WDR7: variants seen among roughly 807,000 people sequenced by gnomAD.
WDR7 encodes WD repeat domain 7, also known as WD repeat-containing protein 7.
WDR7 carries 46 observed loss-of-function variants against 169.4 expected under a neutral mutation model. The observed-to-expected ratio is 0.27, with a 90% CI of 0.21 to 0.35. The LOEUF is 0.35. WDR7 is among the 10% of genes least tolerant of loss of function. WDR7 has a pLI of 1.00. For synonymous variants in WDR7, 612 were observed against 666.8 expected (o/e 0.92, Z 1.27); for missense variants, 1,534 against 1,859.3 (o/e 0.83, Z 3.22).
intron 2 of WDR7, among the ~76,000 whole-genome samples, chr18:56,676,848 T>G (rs2025255047): frequency 6.6e-6 from 1 of 151,952 alleles, no homozygotes; most frequent in South Asian, 2.1e-4. Flanking sequence ...TATCTGGGAC[T>G]ACAGGCCCAT....
intron 26 of WDR7, among the ~76,000 whole-genome samples, chr18:56,965,289 G>C (rs1245644860): frequency 6.6e-6 from 1 of 152,106 alleles, no homozygotes; most frequent in Non-Finnish European, 1.5e-5. Context: ...AGGATCCTGA[G>C]GCTGAGAAGA....
At chr18:56,798,928 T>C (rs535875945) in intron 19 of WDR7, among the ~76,000 whole-genome samples, 1 of 152,346 alleles carries the variant, frequency 6.6e-6, no homozygotes, top group Non-Finnish European at 1.5e-5. Flanking sequence ...CTGATCAATG[T>C]ATGTATCACA....
chr18:56,840,701 C>T (rs1417953150), intron 20 of WDR7, among the ~76,000 whole-genome samples: 1 of 151,492 alleles, frequency 6.6e-6, no homozygotes, highest in Non-Finnish European at 1.5e-5. Context: ...TGCTGGTAGT[C>T]CCAGCTACTC....
the WDR7 span, chr18:57,034,851 A>G: frequency 1.3e-5 from 2 of 152,072 alleles, no homozygotes; most frequent in Non-Finnish European, 2.9e-5. Context: ...ACATCTAAGG[A>G]GAGCTTCATC....
intron 17 of WDR7, among the ~76,000 whole-genome samples, chr18:56,778,443 G>C (rs957880878): frequency 6.6e-6 from 1 of 152,068 alleles, no homozygotes; most frequent in African/African-American, 2.4e-5. Flanking sequence ...TCCCTAGGAG[G>C]TAATGGTAAT....
intron 20 of WDR7, among the ~76,000 whole-genome samples, chr18:56,816,404 T>C (rs1029410309): frequency 7.9e-5 from 12 of 152,236 alleles, no homozygotes; most frequent in African/African-American, 2.7e-4. Context: ...TCTGGAGACC[T>C]TTTAATTCAG....
intron 12 of WDR7, among the ~76,000 whole-genome samples, chr18:56,706,570 T>TG (rs1367887357): frequency 6.6e-6 from 1 of 152,236 alleles, no homozygotes; most frequent in African/African-American, 2.4e-5. Context: ...TCATTATTGT[T>TG]GCTATTATTT....
chr18:57,026,731 G>GT (rs1480476484), intron 27 of WDR7, among the ~76,000 whole-genome samples: 1 of 152,112 alleles, frequency 6.6e-6, no homozygotes, highest in Non-Finnish European at 1.5e-5. Flanking sequence ...TTATTAAGAG[G>GT]TATAATTTAG....
chr18:56,827,108 T>C (rs983061863), intron 20 of WDR7, among the ~76,000 whole-genome samples: 1 of 152,206 alleles, frequency 6.6e-6, no homozygotes, highest in Non-Finnish European at 1.5e-5. Flanking sequence ...GCTTCCAAGC[T>C]CAAGCTGTTA....
chr18:56,794,194 A>G (rs2044540162), intron 19 of WDR7, among the ~76,000 whole-genome samples: 1 of 151,566 alleles, frequency 6.6e-6, no homozygotes, highest in Admixed American at 6.6e-5. Flanking sequence ...ACTCCTGGGT[A>G]ATCTTATTTT....
Position 56,939,350 on chromosome 18 carries a change from G to A in WDR7, c.4021G>A (p.Val1341Ile). The A allele has an allele frequency of 1.3e-6, 2 of 1,582,434 alleles. No homozygotes were observed. Among genetic ancestry groups the A allele is most frequent in the Admixed American group, 1.7e-5 (1 of 57,520 alleles). The change falls in exon 25 of 28, where the codon GTT (valine) becomes ATT (isoleucine). Residue 1341 changes from valine (V) to isoleucine (I), a missense_variant. Transcript: ENST00000254442. Reference protein sequence around the residue: ...IIMYCLEGSLVKKKGLQECFP... With the variant: ...IIMYCLEGSLIKKKGLQECFP... Reference sequence around the variant, plus strand: ...TATGTACTGCCTTGAAGGATCTTTAGTTAAAAAGAAAGGTCTTCAAGAATG... The same window carrying A: ...TATGTACTGCCTTGAAGGATCTTTAATTAAAAAGAAAGGTCTTCAAGAATG...
rs149133432 is a variant in WDR7, at chr18:57,024,388, C to T, written c.4270-2616C>T. Among the ~76,000 whole-genome samples the T allele has an allele frequency of 5.0e-3, 755 of 152,152 alleles. 6 individuals carry two copies. The highest frequency in any genetic ancestry group is 0.017 in the African/African-American group (717 of 41,502). ...CTGAGTTTATTGGAAAAATTAATAC[C>T]GTTACTATAATACTTCACATTCATG... On this transcript the variant is annotated intron_variant, in intron 27 of 27. Transcript: ENST00000254442.
chr18:56,969,181 CT>C (rs1358562852), intron 26 of WDR7, among the ~76,000 whole-genome samples: 1 of 152,188 alleles, frequency 6.6e-6, no homozygotes, highest in East Asian at 1.9e-4. Context: ...TCTAACCTGC[CT>C]TTTCCTGTAA....
intron 21 of WDR7, among the ~76,000 whole-genome samples, chr18:56,894,305 G>T (rs938446777): frequency 6.6e-6 from 1 of 151,914 alleles, no homozygotes; most frequent in African/African-American, 2.4e-5. Flanking sequence ...TTCTGCAAGG[G>T]TCTAAAAGCC....
At chr18:56,773,032 T>G (rs2044187978) in intron 16 of WDR7, among the ~76,000 whole-genome samples, 1 of 152,212 alleles carries the variant, frequency 6.6e-6, no homozygotes, top group African/African-American at 2.4e-5. Flanking sequence ...ATTAAAACTG[T>G]GCTTATATTA....
chr18:56,845,232 T>C (rs1004563126), intron 20 of WDR7, among the ~76,000 whole-genome samples: 3 of 152,158 alleles, frequency 2.0e-5, no homozygotes, highest in African/African-American at 7.2e-5. Context: ...AGATTTTCTC[T>C]TTTAATAATA....
intron 26 of WDR7, among the ~76,000 whole-genome samples, chr18:57,016,811 G>A (rs911289318): frequency 3.2e-4 from 48 of 152,136 alleles, no homozygotes; most frequent in Admixed American, 3.1e-3. Flanking sequence ...CTTATCTCCT[G>A]CTAGGAATAA....
intron 26 of WDR7, among the ~76,000 whole-genome samples, chr18:56,974,048 A>G (rs1267945411): frequency 6.6e-6 from 1 of 152,216 alleles, no homozygotes; most frequent in Non-Finnish European, 1.5e-5. Context: ...TAGTTCTGGA[A>G]CATTTTTCTT....
chr18:56,777,334 T>G (rs2044255812), intron 17 of WDR7, among the ~76,000 whole-genome samples: 1 of 152,180 alleles, frequency 6.6e-6, no homozygotes, highest in Admixed American at 6.5e-5. Context: ...TTCAGATTGA[T>G]TATTGGCACC....
Sources: gnomAD v4.1 joint callset for allele counts (sites outside exome capture counted in the v4.1 genomes callset) on GRCh38, gnomAD v4.1.1 for gene constraint, MANE v1.5 for transcripts, NCBI Gene and HGNC (gene_info 2026-07-23, HGNC 2026-07-21) for gene names.